Variants in NTM observed in about 807,000 individuals in gnomAD.
The protein encoded by NTM is neurotrimin, also known as IgLON family member 2.
A neutral mutation model predicts 42.1 loss-of-function variants in NTM; 13 were observed. The ratio of observed to expected loss-of-function variants is 0.31; its 90% CI spans 0.20 to 0.49. The LOEUF is 0.49. Ranked by LOEUF, NTM falls within the 20% of genes least tolerant of loss-of-function variation. The pLI, the probability that NTM is intolerant of heterozygous loss-of-function variation, is 0.99. For synonymous variants in NTM, 187 were observed against 179.2 expected (o/e 1.04, Z -0.35); for missense variants, 373 against 452.8 (o/e 0.82, Z 1.60).
intron 2 of NTM, among the ~76,000 whole-genome samples, chr11:132,118,741 G>A (rs573815856): frequency 1.7e-4 from 26 of 152,262 alleles, no homozygotes; most frequent in Middle Eastern, 3.4e-3. Flanking sequence ...GTTCCCTTAC[G>A]TATTCAAATG....
chr11:131,686,668 G>C (rs925913763), intron 1 of NTM, among the ~76,000 whole-genome samples: 1 of 152,198 alleles, frequency 6.6e-6, no homozygotes, highest in South Asian at 2.1e-4. Flanking sequence ...AAATCATGTT[G>C]TTCAAGGGTC....
chr11:132,280,644 C>T (rs1014060282), intron 4 of NTM, among the ~76,000 whole-genome samples: 1 of 151,988 alleles, frequency 6.6e-6, no homozygotes, highest in Non-Finnish European at 1.5e-5. Context: ...TGCCACCACA[C>T]CCAGCTGATT....
intron 3 of NTM, among the ~76,000 whole-genome samples, chr11:132,156,006 T>C (rs2073107097): frequency 6.6e-6 from 1 of 152,132 alleles, no homozygotes; most frequent in Non-Finnish European, 1.5e-5. Context: ...AAGAAAATAA[T>C]AAAGTCTTTT....
At chr11:131,647,355 C>A (rs1198511323) in intron 1 of NTM, among the ~76,000 whole-genome samples, 1 of 152,160 alleles carries the variant, frequency 6.6e-6, no homozygotes, top group Non-Finnish European at 1.5e-5. Flanking sequence ...GAGTGCCAGG[C>A]ATGGAACAGT....
chr11:132,042,552 A>G (rs2077345066), intron 2 of NTM, among the ~76,000 whole-genome samples: 1 of 152,238 alleles, frequency 6.6e-6, no homozygotes, highest in Admixed American at 6.5e-5. Context: ...GGACACCTCC[A>G]GTGAAAAGGC....
intron 1 of NTM, among the ~76,000 whole-genome samples, chr11:131,483,669 T>C (rs1261168980): frequency 6.9e-6 from 1 of 145,862 alleles, no homozygotes; most frequent in East Asian, 2.3e-4. Flanking sequence ...GTTGGGGGAG[T>C]GAGAAAACCA....
At chr11:131,494,635 G>A (rs937744268) in intron 1 of NTM, among the ~76,000 whole-genome samples, 2 of 152,176 alleles carry the variant, frequency 1.3e-5, no homozygotes, top group Non-Finnish European at 2.9e-5. Context: ...ACCATGGTCT[G>A]GCAAAATATC....
intron 1 of NTM, among the ~76,000 whole-genome samples, chr11:131,512,337 C>A (rs1441752476): frequency 6.6e-6 from 1 of 152,340 alleles, no homozygotes; most frequent in South Asian, 2.1e-4. Flanking sequence ...GCTGCCAGCT[C>A]CTACTGCAAG....
chr11:131,681,661 A>C (rs1317278702), intron 1 of NTM, among the ~76,000 whole-genome samples: 1 of 49,768 alleles, frequency 2.0e-5, no homozygotes, highest in Non-Finnish European at 5.4e-5. Flanking sequence ...GTCTGTGTGT[A>C]TGTCTCCCTG....
intron 3 of NTM, among the ~76,000 whole-genome samples, chr11:132,204,501 T>C (rs1048431311): frequency 3.9e-5 from 6 of 152,066 alleles, no homozygotes; most frequent in Non-Finnish European, 7.4e-5. Context: ...GGGGTTCTCT[T>C]GTAGAAAGGG....
At chr11:131,659,395 G>A (rs1176302005) in intron 1 of NTM, among the ~76,000 whole-genome samples, 1 of 152,208 alleles carries the variant, frequency 6.6e-6, no homozygotes, top group Non-Finnish European at 1.5e-5. Flanking sequence ...GCAAGGGGAT[G>A]GCCCTCCATC....
At chr11:132,030,941 G>C (rs1455514953) in intron 2 of NTM, among the ~76,000 whole-genome samples, 1 of 152,136 alleles carries the variant, frequency 6.6e-6, no homozygotes. Context: ...TTGGGCTCAG[G>C]CTTCTTCCAC....
At chr11:131,786,174 A>G (rs1446506081) in intron 1 of NTM, among the ~76,000 whole-genome samples, 2 of 152,198 alleles carry the variant, frequency 1.3e-5, no homozygotes, top group East Asian at 3.8e-4. Context: ...CCTCGGAAAA[A>G]AATGGCATTA....
At chr11:131,767,716 T>A (rs544355141) in intron 1 of NTM, among the ~76,000 whole-genome samples, 1 of 152,156 alleles carries the variant, frequency 6.6e-6, no homozygotes, top group African/African-American at 2.4e-5. Flanking sequence ...AGAAACAAAT[T>A]TGGGAAACAA....
chr11:131,962,112 CT>C (rs891812588), intron 2 of NTM, among the ~76,000 whole-genome samples: 12 of 152,210 alleles, frequency 7.9e-5, no homozygotes, highest in African/African-American at 2.9e-4. Flanking sequence ...CCCTTCCCTC[CT>C]TATGGCTCCT....
intron 2 of NTM, among the ~76,000 whole-genome samples, chr11:132,082,085 CA>C (rs2059145269): frequency 6.6e-6 from 1 of 150,764 alleles, no homozygotes; most frequent in South Asian, 2.1e-4. Context: ...CTTCATTTCT[CA>C]AAAAAAGCTT....
chr11:131,380,355 G>A (rs1275608213), intron 1 of NTM, among the ~76,000 whole-genome samples: 2 of 151,784 alleles, frequency 1.3e-5, no homozygotes, highest in Non-Finnish European at 2.9e-5. Context: ...TTACAGGCAT[G>A]TGCCACCATG....
chr11:131,943,537 C>T (rs759285200), intron 2 of NTM, among the ~76,000 whole-genome samples: 4 of 152,186 alleles, frequency 2.6e-5, no homozygotes, highest in Admixed American at 6.5e-5. Context: ...TCTGGGTTGG[C>T]GCCCTGCCAG....
Position 131,453,636 on chromosome 11 carries a change from C to T in NTM, c.82+82748C>T, listed in dbSNP as rs147038834. Among the ~76,000 whole-genome samples, 73 of 152,224 alleles carry T rather than the reference C, an allele frequency of 4.8e-4. 1 individual carries two copies. The East Asian group carries it at 5.8e-3, about 12-fold the overall frequency. On this transcript the variant is annotated intron_variant, in intron 1 of 8. Coordinates refer to ENST00000683400, the MANE Select transcript of NTM (RefSeq NM_001352005.2). The stretch of plus-strand genomic sequence containing the variant: ...GGAGCCTTCTGGAATACCCACCTTC[C>T]TGGTGTATTGGTATATTGTATGTTG...
Sources: allele counts gnomAD v4.1 joint callset (sites outside exome capture counted in the v4.1 genomes callset), GRCh38; gene constraint gnomAD v4.1.1; transcripts MANE v1.5; gene names NCBI Gene and HGNC (gene_info 2026-07-23, HGNC 2026-07-21).